Variants in FAM120C observed in about 807,000 individuals in gnomAD.
The protein encoded by FAM120C is family with sequence similarity 120 member C.
Under a neutral mutation model 71.2 loss-of-function variants are expected in FAM120C, and 14 were observed. That is an observed-to-expected ratio of 0.20 (90% CI 0.13 to 0.31). FAM120C has a LOEUF of 0.31. FAM120C is among the 10% of genes least tolerant of loss of function. FAM120C has a pLI of 1.00. For missense variants in FAM120C, 500 were observed against 879.0 expected, an observed-to-expected ratio of 0.57 and a Z score of 5.45; for synonymous variants, 354 against 353.2, an observed-to-expected ratio of 1.00 and a Z score of -0.03.
intron 9 of FAM120C, among the ~76,000 whole-genome samples, chrX:54,128,193 G>C (rs1190254115): frequency 9.1e-6 from 1 of 109,562 alleles, no homozygotes; most frequent in Non-Finnish European, 1.9e-5. Context: ...CAAGAAGCTG[G>C]GATTACAAGT....
chrX:54,129,938 C>T (rs909672628), intron 9 of FAM120C, among the ~76,000 whole-genome samples: 1 of 108,693 alleles, frequency 9.2e-6, no homozygotes, highest in Non-Finnish European at 1.9e-5. Flanking sequence ...GAGAATCAGG[C>T]AGGGAGGTTG....
chrX:54,117,907 C>CA (rs1235308996), intron 9 of FAM120C, among the ~76,000 whole-genome samples: 1 of 110,822 alleles, frequency 9.0e-6, no homozygotes, highest in African/African-American at 3.3e-5. Context: ...ACAAAATTCT[C>CA]AAAAAAATCA....
At chrX:54,128,617 C>T (rs1214721459) in intron 9 of FAM120C, among the ~76,000 whole-genome samples, 2 of 111,144 alleles carry the variant, frequency 1.8e-5, no homozygotes, top group East Asian at 2.8e-4. Flanking sequence ...AAGGACCCTG[C>T]GGCCTTCCGC....
At chrX:54,081,111 T>C (rs925674761) in intron 14 of FAM120C, among the ~76,000 whole-genome samples, 1 of 107,565 alleles carries the variant, frequency 9.3e-6, no homozygotes. Flanking sequence ...GCAGAGGAGG[T>C]TGCAGGAAGC....
At chrX:54,110,745 TA>T (rs1381548731) in intron 10 of FAM120C, among the ~76,000 whole-genome samples, 5 of 105,094 alleles carry the variant, frequency 4.8e-5, no homozygotes, top group South Asian at 4.1e-4. Context: ...AGCCTGTCTC[TA>T]AAAAAAAAAC....
At chrX:54,155,928 TA>T (rs200974900) in intron 3 of FAM120C, among the ~76,000 whole-genome samples, 204 of 110,833 alleles carry the variant, frequency 1.8e-3, no homozygotes, top group African/African-American at 6.4e-3. Flanking sequence ...CCCTGTCTCT[TA>T]AAAAAAATTT....
At position 54,073,047 on chromosome X, in the gene FAM120C, G is replaced by A. The variant is rs782112448; in HGVS notation, c.3277C>T (p.Arg1093Trp). ...QEQKLETVAQ[R>W]KED ...TCTTCAGCTTATCAGTCCTCTTTCC[G>A]TTGTGCCACAGTTTCTAGCTTTTGC... is the stretch of plus-strand genomic sequence containing the variant. The change falls in exon 16 of 16, where the codon CGG becomes TGG. Residue 1093 changes from arginine to tryptophan, a missense_variant. Coordinates refer to ENST00000375180, the MANE Select transcript of FAM120C (RefSeq NM_017848.6). 6.7e-5 allele frequency: 80 copies of A among 1,201,762 alleles called. No individual in the cohort carries two copies. Among genetic ancestry groups the A allele is most frequent in the African/African-American group, 1.1e-4 (6 of 56,957 alleles).
intron 10 of FAM120C, among the ~76,000 whole-genome samples, chrX:54,098,490 A>AC (rs1176275985): frequency 9.1e-6 from 1 of 110,487 alleles, no homozygotes; most frequent in Non-Finnish European, 1.9e-5. Flanking sequence ...TAAATCTCCC[A>AC]CCCGATCCCT....
At chrX:54,162,467 C>A (rs1440267966) in intron 1 of FAM120C, among the ~76,000 whole-genome samples, 2 of 111,935 alleles carry the variant, frequency 1.8e-5, no homozygotes, top group Non-Finnish European at 3.8e-5. Flanking sequence ...ACAATACCAT[C>A]ATCTTCAAGT....
At position 54,161,883 on chromosome X, in the gene FAM120C, TG is replaced by T. The variant is rs781901508; in HGVS notation, c.700-2268del. 2.7e-5 allele frequency among the ~76,000 whole-genome samples: 3 copies of T among 112,641 alleles called. No homozygotes were observed. In the South Asian group the frequency reaches 1.1e-3, roughly 41 times the overall value. ...CTGACCCCAGGTGATCCACCGGCCTTGGCCTCCCAAAGTGCTGGGATTACAG... is the reference window on the plus strand; with the variant it reads ...CTGACCCCAGGTGATCCACCGGCCTTGCCTCCCAAAGTGCTGGGATTACAG... On this transcript the variant is annotated intron_variant, in intron 1 of 15. Transcript: ENST00000375180.
chrX:54,158,630 A>G, intron 2 of FAM120C, among the ~76,000 whole-genome samples: 1 of 111,255 alleles, frequency 9.0e-6, no homozygotes, highest in South Asian at 3.8e-4. Flanking sequence ...TTAGCTGGGC[A>G]TGGTGGCAGG....
At chrX:54,128,405 T>C (rs2067039792) in intron 9 of FAM120C, among the ~76,000 whole-genome samples, 1 of 112,259 alleles carries the variant, frequency 8.9e-6, no homozygotes, top group Non-Finnish European at 1.9e-5. Context: ...TGATGCTGAG[T>C]ATTTTTTCAT....
At chrX:54,113,904 G>A (rs1404609907) in intron 10 of FAM120C, among the ~76,000 whole-genome samples, 2 of 109,624 alleles carry the variant, frequency 1.8e-5, no homozygotes, top group Admixed American at 9.8e-5. Context: ...CAACAAGAGC[G>A]AAACTCCATC....
intron 3 of FAM120C, among the ~76,000 whole-genome samples, chrX:54,152,121 G>C (rs782178892): frequency 6.5e-5 from 7 of 108,303 alleles, no homozygotes; most frequent in Middle Eastern, 4.7e-3. Flanking sequence ...GGGTTGAAGC[G>C]ATTCTCCTGC....
intron 1 of FAM120C, among the ~76,000 whole-genome samples, chrX:54,168,721 A>T (rs1557135556): frequency 1.8e-5 from 2 of 111,697 alleles, no homozygotes. Flanking sequence ...CCAGGCACCA[A>T]TCTAGGTATG....
chrX:54,081,514 G>C, intron 13 of FAM120C, 54 bp from the exon 14 acceptor site: 7 of 1,154,060 alleles, frequency 6.1e-6, no homozygotes, highest in Non-Finnish European at 8.1e-6. Context: ...GTTCACGCCT[G>C]TAATCCCAAA....
At chrX:54,126,940 G>A (rs1285997222) in intron 9 of FAM120C, among the ~76,000 whole-genome samples, 1 of 112,660 alleles carries the variant, frequency 8.9e-6, no homozygotes, top group Non-Finnish European at 1.9e-5. Flanking sequence ...ATAATCAACA[G>A]AAATTGATTT....
chrX:54,139,329 T>TTTATTTATTTATTTATTTA (rs2067111129), intron 4 of FAM120C, among the ~76,000 whole-genome samples: 2 of 88,975 alleles, frequency 2.2e-5, no homozygotes, highest in African/African-American at 8.1e-5. Context: ...TTTTTTTTGC[T>TTTATTTATTTATTTATTTA]TTTATTTATT....
chrX:54,176,808 T>G (rs2067321002), intron 1 of FAM120C, among the ~76,000 whole-genome samples: 1 of 111,914 alleles, frequency 8.9e-6, no homozygotes, highest in Admixed American at 9.5e-5. Flanking sequence ...ATTTTATATA[T>G]GTCAAGTCCT....
Sources: gnomAD v4.1 joint callset for allele counts (sites outside exome capture counted in the v4.1 genomes callset) on GRCh38, gnomAD v4.1.1 for gene constraint, MANE v1.5 for transcripts, NCBI Gene and HGNC (gene_info 2026-07-23, HGNC 2026-07-21) for gene names.